MEF2C: variants seen among roughly 807,000 people sequenced by gnomAD.
MEF2C encodes the protein myocyte enhancer factor 2C.
A neutral mutation model predicts 50.5 loss-of-function variants in MEF2C; 6 were observed. The ratio of observed to expected loss-of-function variants is 0.12; its 90% CI spans 0.07 to 0.23. The LOEUF (loss-of-function observed/expected upper bound fraction) is 0.23, where lower values mean the gene tolerates loss of function less well. Ranked by LOEUF, MEF2C falls within the 10% of genes least tolerant of loss-of-function variation. MEF2C has a pLI of 1.00. For missense variants in MEF2C, 276 were observed against 605.0 expected (o/e 0.46, Z 5.70); for synonymous variants, 183 against 228.0 (o/e 0.80, Z 1.78).
At chr5:88,831,386 T>C (rs75315037) in intron 1 of MEF2C, among the ~76,000 whole-genome samples, 4,751 of 151,740 alleles carry the variant, frequency 0.031, 101 homozygotes, top group Non-Finnish European at 0.05. Flanking sequence ...ACGTTCTCAG[T>C]AAAAGCTTTA....
chr5:88,745,160 A>G (rs1383780651), intron 6 of MEF2C, among the ~76,000 whole-genome samples: 2 of 152,244 alleles, frequency 1.3e-5, no homozygotes, highest in African/African-American at 4.8e-5. Context: ...ACAAACATTT[A>G]CCAAGTATCT....
At chr5:88,900,006 A>G (rs1450416570) in intron 1 of MEF2C, among the ~76,000 whole-genome samples, 1 of 151,958 alleles carries the variant, frequency 6.6e-6, no homozygotes, top group Non-Finnish European at 1.5e-5. Context: ...TTTCTTATTA[A>G]TTTACATGTC....
At chr5:88,747,946 C>G (rs910854388) in intron 6 of MEF2C, 22 of 610,022 alleles carry the variant, frequency 3.6e-5, no homozygotes, top group Non-Finnish European at 4.3e-5. Context: ...CCATGTCCAG[C>G]AAAATACTAC....
chr5:88,780,578 T>C (rs1787461698), intron 3 of MEF2C, among the ~76,000 whole-genome samples: 1 of 152,220 alleles, frequency 6.6e-6, no homozygotes, highest in Non-Finnish European at 1.5e-5. Context: ...TCCTGGCTCA[T>C]TTCCAAGAGT....
Position 88,761,264 on chromosome 5 carries a change from C to T in MEF2C, c.323G>A (p.Gly108Asp). Residue 108 changes from glycine (G) to aspartate (D), a missense_variant, in exon 4 of 11, where the codon GGT (glycine) becomes GAT (aspartate). Physicochemically the swap from Gly to Asp is moderately conservative, Grantham distance 94. Transcript: ENST00000504921. ...CTTGTCCTCAGACTCAGGGCTGTGA[C>T]CTACGGAATCGTCCGCATCGGGGTC... ...SPDPDADDSVGHSPESEDKYR... is the reference protein window; with the variant it reads ...SPDPDADDSVDHSPESEDKYR... 1 of 1,614,024 alleles carries T rather than the reference C, an allele frequency of 6.2e-7. No individual in the cohort carries two copies. Among genetic ancestry groups the T allele is most frequent in the Non-Finnish European group, 8.5e-7 (1 of 1,179,882 alleles).
At chr5:88,773,140 T>C (rs1369624295) in intron 3 of MEF2C, among the ~76,000 whole-genome samples, 1 of 152,232 alleles carries the variant, frequency 6.6e-6, no homozygotes, top group Non-Finnish European at 1.5e-5. Flanking sequence ...TCTTTGTCTT[T>C]TTCACCTCTG....
intron 5 of MEF2C, chr5:88,751,566 G>A: frequency 2.0e-6 from 2 of 975,880 alleles, no homozygotes; most frequent in Non-Finnish European, 2.4e-6. Flanking sequence ...GTAAAAGTGT[G>A]GAGAAAGGAT....
intron 1 of MEF2C, among the ~76,000 whole-genome samples, chr5:88,840,701 T>G (rs908785979): frequency 7.9e-5 from 12 of 152,212 alleles, no homozygotes; most frequent in African/African-American, 2.9e-4. Context: ...GCTGAATTCC[T>G]ATCTTTCAAG....
chr5:88,740,219 G>A (rs1765944131), intron 6 of MEF2C: 1 of 973,058 alleles, frequency 1.0e-6, no homozygotes, highest in South Asian at 4.8e-5. Context: ...GCTGTGTTTT[G>A]TTCAGCGATT....
intron 8 of MEF2C, 34 bp downstream of exon 8, chr5:88,730,177 C>T: frequency 6.4e-7 from 1 of 1,571,422 alleles, no homozygotes; most frequent in Non-Finnish European, 8.6e-7. Context: ...TAGCTTTGCA[C>T]ATGCCATTTG....
Position 88,722,730 on chromosome 5 carries a change from G to C in MEF2C, c.1296C>G (p.Asp432Glu). 1 of 1,613,946 alleles carries C rather than the reference G, an allele frequency of 6.2e-7. No homozygotes were observed. The highest frequency in any genetic ancestry group is 8.5e-7 in the Non-Finnish European group (1 of 1,179,888). Residue 432 changes from aspartate to glutamate, a missense_variant, in exon 11 of 11, where the codon GAC becomes GAG. Asp to Glu is a conservative substitution (Grantham distance 45). Around this residue, in one of 2 missense-constraint regions of MEF2C, gnomAD observed 256 missense variants for 468.1 expected, o/e 0.55. Transcript: ENST00000504921. ...TCCGGTGATCCTCTCGGTCGCTCCC[G>C]TCGTACGAACTGCTACAGCTGCTCA... ...DSLSSCSSSYDGSDREDHRNE... is the reference protein window; with the variant it reads ...DSLSSCSSSYEGSDREDHRNE...
chr5:88,767,144 T>C (rs1284775074), intron 3 of MEF2C, among the ~76,000 whole-genome samples: 1 of 152,340 alleles, frequency 6.6e-6, no homozygotes, highest in South Asian at 2.1e-4. Context: ...AGTGCCTTAC[T>C]TCATTTAAAA....
chr5:88,775,003 G>A (rs1421446161), intron 3 of MEF2C, among the ~76,000 whole-genome samples: 5 of 152,132 alleles, frequency 3.3e-5, no homozygotes, highest in African/African-American at 1.2e-4. Flanking sequence ...GCCTTGTGTC[G>A]GGGTATCCTT....
intron 3 of MEF2C, among the ~76,000 whole-genome samples, chr5:88,773,656 T>C (rs992529593): frequency 1.3e-5 from 2 of 152,180 alleles, no homozygotes; most frequent in African/African-American, 2.4e-5. Flanking sequence ...ATAGGTGTCC[T>C]ACAGGGGACT....
At chr5:88,727,075 CA>C (rs1266223934) in intron 10 of MEF2C, among the ~76,000 whole-genome samples, 3 of 151,970 alleles carry the variant, frequency 2.0e-5, no homozygotes, top group Non-Finnish European at 4.4e-5. Context: ...ATACTTTGTA[CA>C]AAATATGTAT....
chr5:88,885,673 G>A (rs1185051222), upstream of MEF2C, among the ~76,000 whole-genome samples: 1 of 152,052 alleles, frequency 6.6e-6, no homozygotes, highest in Non-Finnish European at 1.5e-5. Context: ...TATATATGGT[G>A]GTAAAAATAA....
chr5:88,802,461 TAAAC>T (rs892676152), intron 3 of MEF2C, among the ~76,000 whole-genome samples: 7 of 152,350 alleles, frequency 4.6e-5, no homozygotes, highest in African/African-American at 1.7e-4. Context: ...TTGTTGTTGT[TAAAC>T]AGACAGGGTC....
intron 5 of MEF2C, chr5:88,750,207 A>ATTT (rs747771242): frequency 1.5e-4 from 57 of 384,346 alleles, no homozygotes; most frequent in South Asian, 3.3e-4. Flanking sequence ...TATATACACG[A>ATTT]TTTTTTTTTT....
At chr5:88,785,927 A>G (rs1391075002) in intron 3 of MEF2C, among the ~76,000 whole-genome samples, 3 of 152,080 alleles carry the variant, frequency 2.0e-5, no homozygotes, top group Admixed American at 6.5e-5. Flanking sequence ...TTTTGAGGGC[A>G]CTTTATCATC....
Sources: gnomAD v4.1 joint callset for allele counts (sites outside exome capture counted in the v4.1 genomes callset) on GRCh38, gnomAD v4.1.1 for gene constraint, gnomAD v4.1.1 regional missense constraint, MANE v1.5 for transcripts, NCBI Gene and HGNC (gene_info 2026-07-23, HGNC 2026-07-21) for gene names.